The following ZFAND3 variants were observed in gnomAD, a reference collection of about 807,000 sequenced individuals.
ZFAND3 encodes the protein AN1-type zinc finger protein 3.
In ZFAND3, 10 loss-of-function variants were observed where a neutral mutation model predicts 29.6. That is an observed-to-expected ratio of 0.34 (90% CI 0.21 to 0.57). The LOEUF is 0.57. Among genes scored for constraint, ZFAND3 ranks in the 20% least tolerant of loss-of-function variants. The probability of loss-of-function intolerance (pLI) is 0.86; values close to 1 mark genes in which losing one functional copy is unlikely to be tolerated. For synonymous variants in ZFAND3, 128 were observed against 112.6 expected, an observed-to-expected ratio of 1.14 and a Z score of -0.87; for missense variants, 230 against 304.5, an observed-to-expected ratio of 0.76 and a Z score of 1.82.
chr6:37,920,052 C>CTTTTTTTTTTTTT (rs11389241), intron 1 of ZFAND3, among the ~76,000 whole-genome samples: 2 of 93,410 alleles, frequency 2.1e-5, no homozygotes, highest in Admixed American at 1.3e-4. Context: ...TTTTTTGAAG[C>CTTTTTTTTTTTTT]TTTTTTTTTT....
intron 1 of ZFAND3, among the ~76,000 whole-genome samples, chr6:37,919,324 A>G (rs184619856): frequency 6.6e-6 from 1 of 152,330 alleles, no homozygotes; most frequent in African/African-American, 2.4e-5. Flanking sequence ...CATGGATTAT[A>G]TAAAATTATA....
chr6:38,061,895 CATA>C lies in ZFAND3; in HGVS notation c.295+121_295+123del. The C allele has an allele frequency of 6.7e-6, 8 of 1,192,088 alleles. No homozygotes were observed. The Middle Eastern group carries it at 1.0e-3, about 148-fold the overall frequency. 73.8% of individuals were successfully genotyped at this position (1,192,088 alleles called of 1,614,324 possible). ...TCTTTTAATTCAAGATAAGTGTCCA[CATA>C]CAAGGCCCAAGCTCAGCAAGTTAGA... On this transcript the variant is annotated intron_variant, in intron 3 of 5. Transcript: ENST00000287218.
intron 3 of ZFAND3, among the ~76,000 whole-genome samples, chr6:38,076,236 T>C (rs1191080360): frequency 1.3e-5 from 2 of 152,186 alleles, no homozygotes; most frequent in Admixed American, 6.5e-5. Flanking sequence ...AATTAAGGTA[T>C]GTACATTGTT....
chr6:37,884,457 G>A (rs901397530), intron 1 of ZFAND3, among the ~76,000 whole-genome samples: 1 of 122,668 alleles, frequency 8.2e-6, no homozygotes, highest in Non-Finnish European at 1.6e-5. Context: ...TCGCGCCATT[G>A]CACTCCAGCC....
intron 2 of ZFAND3, among the ~76,000 whole-genome samples, chr6:38,017,689 C>T (rs1389486343): frequency 6.6e-6 from 1 of 151,758 alleles, no homozygotes; most frequent in African/African-American, 2.4e-5. Context: ...GAGGGAAACT[C>T]CTGCTCCCAT....
At chr6:37,921,386 T>C (rs11754248) in intron 1 of ZFAND3, among the ~76,000 whole-genome samples, 9,947 of 152,006 alleles carry the variant, frequency 0.065, 382 homozygotes, top group Non-Finnish European at 0.085. Context: ...TTTTTTATAC[T>C]TTTCTCTATT....
chr6:38,102,261 G>C (rs1213750673), intron 4 of ZFAND3, among the ~76,000 whole-genome samples: 1 of 152,090 alleles, frequency 6.6e-6, no homozygotes, highest in East Asian at 1.9e-4. Context: ...CAAAACATTT[G>C]GAAGATGAGA....
intron 5 of ZFAND3, among the ~76,000 whole-genome samples, chr6:38,145,423 T>C (rs188196092): frequency 2.0e-4 from 30 of 152,326 alleles, no homozygotes; most frequent in African/African-American, 7.0e-4. Flanking sequence ...TGTTAGATGT[T>C]GTGGCACCTT....
intron 5 of ZFAND3, among the ~76,000 whole-genome samples, chr6:38,147,113 T>TA (rs1766127269): frequency 2.6e-5 from 4 of 152,192 alleles, no homozygotes; most frequent in Admixed American, 2.0e-4. Context: ...ACTATGTGTT[T>TA]ATACCCTTTA....
In ZFAND3 at chr6:38,106,640, C is replaced by T. The variant is rs58204078; in HGVS notation, c.362-9932C>T. On this transcript the variant is annotated intron_variant, in intron 4 of 5. Coordinates refer to ENST00000287218, the MANE Select transcript of ZFAND3 (RefSeq NM_021943.3). ...GTTTATCACTTTTACTTTGTGTGTTCATAACACTCCCCTCATACCACTTAG... is the reference window on the plus strand; with the variant it reads ...GTTTATCACTTTTACTTTGTGTGTTTATAACACTCCCCTCATACCACTTAG... 0.014 allele frequency among the ~76,000 whole-genome samples: 2,153 copies of T among 152,258 alleles called. 252 individuals are homozygous for T. In the East Asian group the frequency reaches 0.28, roughly 20 times the overall value.
intron 4 of ZFAND3, among the ~76,000 whole-genome samples, chr6:38,105,230 A>T (rs1002456690): frequency 1.3e-5 from 2 of 152,154 alleles, no homozygotes. Context: ...ACCTTCCATG[A>T]TAAGTGGCCT....
intron 2 of ZFAND3, among the ~76,000 whole-genome samples, chr6:38,014,026 A>G (rs1763209296): frequency 6.6e-6 from 1 of 152,182 alleles, no homozygotes; most frequent in South Asian, 2.1e-4. Flanking sequence ...AAGCCCAGGT[A>G]TTTATTGTTA....
chr6:37,869,031 T>C (rs531532318), intron 1 of ZFAND3, among the ~76,000 whole-genome samples: 2 of 152,350 alleles, frequency 1.3e-5, no homozygotes, highest in African/African-American at 4.8e-5. Flanking sequence ...TAGTCTATAG[T>C]ATGTCAATTT....
intron 2 of ZFAND3, among the ~76,000 whole-genome samples, chr6:38,032,530 G>T (rs1014395878): frequency 6.6e-6 from 1 of 152,216 alleles, no homozygotes; most frequent in Admixed American, 6.5e-5. Context: ...ACCCAAAAGA[G>T]AATAAAACTC....
intron 2 of ZFAND3, among the ~76,000 whole-genome samples, chr6:38,000,231 G>A (rs12198428): frequency 0.018 from 2,741 of 152,160 alleles, 34 homozygotes; most frequent in Non-Finnish European, 0.028. Flanking sequence ...GATCATTTGC[G>A]AGACCCATAG....
At chr6:37,944,464 C>T (rs1437401182) in intron 2 of ZFAND3, among the ~76,000 whole-genome samples, 1 of 152,028 alleles carries the variant, frequency 6.6e-6, no homozygotes, top group African/African-American at 2.4e-5. Flanking sequence ...ATTCTTTTCT[C>T]AAAATCCCTA....
intron 2 of ZFAND3, among the ~76,000 whole-genome samples, chr6:38,058,729 C>T: frequency 6.6e-6 from 1 of 152,136 alleles, no homozygotes; most frequent in East Asian, 1.9e-4. Context: ...ATGGACCTGT[C>T]CTTGCTACTT....
At chr6:38,135,270 A>G (rs1765817664) in intron 5 of ZFAND3, among the ~76,000 whole-genome samples, 1 of 152,226 alleles carries the variant, frequency 6.6e-6, no homozygotes, top group African/African-American at 2.4e-5. Flanking sequence ...ATACTACAGC[A>G]AAGTTCAGAG....
At chr6:38,144,959 C>T (rs1490889786) in intron 5 of ZFAND3, among the ~76,000 whole-genome samples, 1 of 152,222 alleles carries the variant, frequency 6.6e-6, no homozygotes, top group Admixed American at 6.5e-5. Flanking sequence ...TTGTGACTTT[C>T]AGCATCACCT....
Sources: allele counts gnomAD v4.1 joint callset (sites outside exome capture counted in the v4.1 genomes callset), GRCh38; gene constraint gnomAD v4.1.1; transcripts MANE v1.5; gene names NCBI Gene and HGNC (gene_info 2026-07-23, HGNC 2026-07-21).